Variants in ARHGEF28 observed in about 807,000 individuals in gnomAD.
The protein encoded by ARHGEF28 is Rho guanine nucleotide exchange factor 28, also known as 190 kDa guanine nucleotide exchange factor.
ARHGEF28 carries 152 observed loss-of-function variants against 206.6 expected under a neutral mutation model. That is an observed-to-expected ratio of 0.74 (90% CI 0.64 to 0.84). ARHGEF28 has a LOEUF of 0.84. Among genes scored for constraint, ARHGEF28 ranks in the 40% least tolerant of loss-of-function variants. The pLI, the probability that ARHGEF28 is intolerant of heterozygous loss-of-function variation, is 0.00. For synonymous variants in ARHGEF28, 763 were observed against 776.4 expected (o/e 0.98, Z 0.29); for missense variants, 2,028 against 2,073.2 (o/e 0.98, Z 0.42).
intron 2 of ARHGEF28, among the ~76,000 whole-genome samples, chr5:73,690,659 C>A (rs1747766795): frequency 6.6e-6 from 1 of 151,860 alleles, no homozygotes; most frequent in African/African-American, 2.4e-5. Context: ...AATCACACCA[C>A]TGCACTCCAG....
intron 21 of ARHGEF28, among the ~76,000 whole-genome samples, chr5:73,872,447 C>G (rs1008584406): frequency 6.6e-6 from 1 of 152,012 alleles, no homozygotes; most frequent in African/African-American, 2.4e-5. Context: ...TTTCTTTTCA[C>G]TTTCTTGATG....
chr5:73,727,160 T>C (rs746834031), intron 2 of ARHGEF28, among the ~76,000 whole-genome samples: 1 of 152,200 alleles, frequency 6.6e-6, no homozygotes, highest in Non-Finnish European at 1.5e-5. Context: ...ATTGGTATAA[T>C]TGGAGCCGGT....
chr5:73,927,846 A>T lies in ARHGEF28; in HGVS notation c.4949-12998A>T, dbSNP rs78450276. On this transcript the variant is annotated intron_variant, in intron 35 of 35. Transcript: ENST00000513042. ...AAAAAGAACACCTGAGGGTATTCAT[A>T]TCTGCACTAAACGAAACACAGTCTA... Among the ~76,000 whole-genome samples, 235 of 152,346 alleles carry T rather than the reference A, an allele frequency of 1.5e-3. 1 individual carries two copies. The East Asian group carries it at 0.02, about 13-fold the overall frequency.
At chr5:73,808,764 G>A (rs1755661798) in intron 9 of ARHGEF28, among the ~76,000 whole-genome samples, 1 of 152,144 alleles carries the variant, frequency 6.6e-6, no homozygotes, top group Non-Finnish European at 1.5e-5. Context: ...ATTAAAAACT[G>A]TGGTGTCTTG....
intron 16 of ARHGEF28, among the ~76,000 whole-genome samples, chr5:73,861,017 G>T (rs1181312349): frequency 6.6e-6 from 1 of 152,154 alleles, no homozygotes; most frequent in Non-Finnish European, 1.5e-5. Context: ...CTCTTTGGAG[G>T]TCTTCCCTGA....
chr5:73,721,977 A>T (rs976555612), intron 2 of ARHGEF28, among the ~76,000 whole-genome samples: 2 of 152,200 alleles, frequency 1.3e-5, no homozygotes, highest in African/African-American at 4.8e-5. Flanking sequence ...CCTAATCTAG[A>T]AATTTCTTTG....
At chr5:73,909,362 T>C (rs1214209646) in intron 33 of ARHGEF28, 50 bp from the exon 34 acceptor site, 1 of 1,531,658 alleles carries the variant, frequency 6.5e-7, no homozygotes, top group Non-Finnish European at 8.8e-7. Flanking sequence ...GGGTAAACAA[T>C]AACCATGGAA....
intron 9 of ARHGEF28, among the ~76,000 whole-genome samples, chr5:73,826,207 C>T (rs1036623263): frequency 3.3e-5 from 5 of 152,146 alleles, no homozygotes; most frequent in Admixed American, 3.3e-4. Flanking sequence ...TGAGAGCTGA[C>T]TATAGGTTCT....
chr5:73,709,613 C>G (rs570773840), intron 2 of ARHGEF28, among the ~76,000 whole-genome samples: 29 of 152,270 alleles, frequency 1.9e-4, no homozygotes, highest in Middle Eastern at 3.4e-3. Context: ...TGATTTATCA[C>G]AGGTTCACAT....
chr5:73,776,228 G>A (rs1207370077), intron 5 of ARHGEF28, among the ~76,000 whole-genome samples: 1 of 152,096 alleles, frequency 6.6e-6, no homozygotes, highest in African/African-American at 2.4e-5. Context: ...AAATGTTGAG[G>A]TAAAGTACTA....
At chr5:73,668,524 A>G (rs947737517) in intron 1 of ARHGEF28, among the ~76,000 whole-genome samples, 2 of 152,186 alleles carry the variant, frequency 1.3e-5, no homozygotes, top group African/African-American at 4.8e-5. Flanking sequence ...ATCCATTCAC[A>G]AGGGCAGAGA....
At chr5:73,894,903 G>A (rs990148941) in intron 29 of ARHGEF28, among the ~76,000 whole-genome samples, 1 of 152,076 alleles carries the variant, frequency 6.6e-6, no homozygotes, top group South Asian at 2.1e-4. Flanking sequence ...AAGCTAAGTG[G>A]TATCTTGAGG....
chr5:73,832,894 C>T (rs1757389772), intron 10 of ARHGEF28, among the ~76,000 whole-genome samples: 1 of 152,204 alleles, frequency 6.6e-6, no homozygotes, highest in Non-Finnish European at 1.5e-5. Context: ...ACATAAATTA[C>T]TTGCTTAATC....
At chr5:73,740,247 T>C (rs1751304352) in intron 2 of ARHGEF28, among the ~76,000 whole-genome samples, 2 of 151,460 alleles carry the variant, frequency 1.3e-5, no homozygotes, top group Admixed American at 1.3e-4. Flanking sequence ...AATCCAGTTA[T>C]GTTAGGTCCC....
intron 11 of ARHGEF28, among the ~76,000 whole-genome samples, chr5:73,845,551 G>C (rs1758283093): frequency 6.6e-6 from 1 of 152,056 alleles, no homozygotes; most frequent in Non-Finnish European, 1.5e-5. Flanking sequence ...AAGCTTCCCT[G>C]CAAACAGCCC....
chr5:73,646,321 C>T (rs1294747865), intron 1 of ARHGEF28, among the ~76,000 whole-genome samples: 2 of 152,220 alleles, frequency 1.3e-5, no homozygotes, highest in African/African-American at 2.4e-5. Flanking sequence ...TCTGTCTTCA[C>T]TGGTGCCAGC....
chr5:73,923,578 T>C (rs1763641223), intron 35 of ARHGEF28, among the ~76,000 whole-genome samples: 1 of 152,170 alleles, frequency 6.6e-6, no homozygotes, highest in Non-Finnish European at 1.5e-5. Context: ...AAGATGAATA[T>C]ATTTGTCAGG....
At chr5:73,728,098 T>C (rs1750390770) in intron 2 of ARHGEF28, among the ~76,000 whole-genome samples, 1 of 152,238 alleles carries the variant, frequency 6.6e-6, no homozygotes, top group Admixed American at 6.5e-5. Context: ...GTTGGTCCTG[T>C]TGAGGTCTTT....
Position 73,883,801 on chromosome 5 carries a change from G to T in ARHGEF28, c.2972G>T (p.Gly991Val). 1 of 1,569,046 alleles carries T rather than the reference G, an allele frequency of 6.4e-7. No individual in the cohort carries two copies. The highest frequency in any genetic ancestry group is 8.6e-7 in the Non-Finnish European group (1 of 1,157,328). Residue 991 changes from glycine (G) to valine (V), a missense_variant, in exon 24 of 36, where the codon GGA becomes GTA. Transcript: ENST00000513042. ...RNSNLLARRR[G>V]IPECILLVTQ... ...AGTAATCTTTTGGCTCGACGCCGAG[G>T]AATTCCAGAATGCATTCTGTTGGTC...
Sources: allele counts gnomAD v4.1 joint callset (sites outside exome capture counted in the v4.1 genomes callset), GRCh38; gene constraint gnomAD v4.1.1; transcripts MANE v1.5; gene names NCBI Gene and HGNC (gene_info 2026-07-23, HGNC 2026-07-21).